ABCB5: variants seen among roughly 807,000 people sequenced by gnomAD.
The protein encoded by ABCB5 is ATP binding cassette subfamily B member 5.
A neutral mutation model predicts 144.2 loss-of-function variants in ABCB5; 155 were observed. The ratio of observed to expected loss-of-function variants is 1.08; its 90% CI spans 0.94 to 1.23. The LOEUF is 1.23. ABCB5 is among the 50% of genes most tolerant of loss of function. The pLI, the probability that ABCB5 is intolerant of heterozygous loss-of-function variation, is 0.00. For missense variants in ABCB5, 1,830 were observed against 1,520.8 expected (o/e 1.20, Z -3.38); for synonymous variants, 610 against 528.6 (o/e 1.15, Z -2.11).
intron 24 of ABCB5, 96 bp from the exon 25 acceptor site, chr7:20,742,781 C>A: frequency 2.4e-6 from 3 of 1,225,082 alleles, no homozygotes; most frequent in Non-Finnish European, 3.5e-6. Flanking sequence ...GCTCTGGAAA[C>A]ATGCACAATT....
At chr7:20,667,810 G>A (rs577212796) in intron 14 of ABCB5, among the ~76,000 whole-genome samples, 246 of 150,054 alleles carry the variant, frequency 1.6e-3, no homozygotes, top group African/African-American at 5.8e-3. Context: ...TCGGCTCACT[G>A]CAACCTCCCT....
rs138020961 is a variant in ABCB5 at position 20,622,982 on chromosome 7, C to T, written c.-21-283C>T. 7.4e-4 allele frequency among the ~76,000 whole-genome samples: 113 copies of T among 152,206 alleles called. 4 individuals carry two copies. In the East Asian group the frequency reaches 0.018, roughly 24 times the overall value. ...AATATCCTGACAAACAGTGCATTTTCCGTGGAATCTGACTTTCCTTCTTTT... is the reference window on the plus strand; with the variant it reads ...AATATCCTGACAAACAGTGCATTTTTCGTGGAATCTGACTTTCCTTCTTTT... On this transcript the variant is annotated intron_variant, in intron 1 of 27. Coordinates refer to ENST00000404938, the MANE Select transcript of ABCB5 (RefSeq NM_001163941.2).
chr7:20,748,330 T>G (rs1782794486), intron 26 of ABCB5, among the ~76,000 whole-genome samples: 1 of 151,550 alleles, frequency 6.6e-6, no homozygotes, highest in Non-Finnish European at 1.5e-5. Context: ...ATGAATCTTG[T>G]AATTTGTTGT....
At position 20,699,820 on chromosome 7, in the gene ABCB5, T is replaced by C. The variant is rs762762871; in HGVS notation, c.2155-5T>C. The C allele has an allele frequency of 2.2e-5, 35 of 1,577,482 alleles. 1 individual carries two copies. In the South Asian group the frequency reaches 3.9e-4, roughly 18 times the overall value. On this transcript the variant is annotated splice_polypyrimidine_tract_variant and splice_region_variant and intron_variant, in intron 17 of 27. Transcript: ENST00000404938. Reference sequence around the variant, plus strand: ...AACACCTGATAAAAATCTGTTCCTTTTCAGATGTTTGGAAATAATGATAAA... The same window carrying C: ...AACACCTGATAAAAATCTGTTCCTTCTCAGATGTTTGGAAATAATGATAAA...
intron 2 of ABCB5, among the ~76,000 whole-genome samples, chr7:20,625,792 TC>T (rs1783895709): frequency 6.6e-6 from 1 of 152,178 alleles, no homozygotes; most frequent in African/African-American, 2.4e-5. Flanking sequence ...CAATTCTACT[TC>T]CGGGTATATA....
chr7:20,707,281 A>T (rs1185300422), intron 20 of ABCB5, among the ~76,000 whole-genome samples: 1 of 152,142 alleles, frequency 6.6e-6, no homozygotes, highest in Non-Finnish European at 1.5e-5. Flanking sequence ...TCCTCTGGCC[A>T]TTTTTTAAAG....
intron 20 of ABCB5, among the ~76,000 whole-genome samples, chr7:20,708,694 G>A (rs1274448083): frequency 1.3e-5 from 2 of 152,082 alleles, no homozygotes; most frequent in Non-Finnish European, 2.9e-5. Context: ...GTCCAATAAT[G>A]CATGATAAAT....
At chr7:20,731,369 AATATAT>A in intron 23 of ABCB5, among the ~76,000 whole-genome samples, 1 of 123,074 alleles carries the variant, frequency 8.1e-6, no homozygotes, top group South Asian at 2.6e-4. Context: ...AAAAAAAAAA[AATATAT>A]ATATATATAT....
At chr7:20,676,459 G>C (rs1041218450) in intron 14 of ABCB5, among the ~76,000 whole-genome samples, 2 of 152,130 alleles carry the variant, frequency 1.3e-5, no homozygotes, top group African/African-American at 4.8e-5. Context: ...GGATGAATCT[G>C]AATGACATTA....
chr7:20,643,717 C>T, intron 7 of ABCB5, 85 bp downstream of exon 7: 3 of 1,463,196 alleles, frequency 2.1e-6, no homozygotes, highest in Middle Eastern at 2.2e-4. Context: ...AATGGCTTTT[C>T]TATTCACTTG....
At chr7:20,649,460 G>A (rs1784513667) in intron 11 of ABCB5, among the ~76,000 whole-genome samples, 1 of 152,120 alleles carries the variant, frequency 6.6e-6, no homozygotes, top group Non-Finnish European at 1.5e-5. Context: ...GCAGGTCCCT[G>A]GCACACTAAA....
intron 14 of ABCB5, among the ~76,000 whole-genome samples, chr7:20,666,349 G>A (rs1268102798): frequency 3.9e-5 from 6 of 152,108 alleles, no homozygotes; most frequent in Admixed American, 6.5e-5. Flanking sequence ...GTGCTGACAC[G>A]CTTTCCCAGA....
In ABCB5 at chr7:20,699,878, C is replaced by A; in HGVS notation, c.2208C>A (p.Ser736=). 2 of 1,612,356 alleles carry A rather than the reference C, an allele frequency of 1.2e-6. No homozygotes were observed. Among genetic ancestry groups the A allele is most frequent in the Admixed American group, 1.7e-5 (1 of 59,910 alleles). Residue 736 remains serine, a synonymous_variant, in exon 18 of 28, where the codon TCC becomes TCA. Coordinates refer to ENST00000404938, the MANE Select transcript of ABCB5 (RefSeq NM_001163941.2). ...TTLKHDAEIY[S]MIFVILGVIC... is the part of the protein sequence containing the mutation. ...TAAAGCATGATGCAGAAATTTATTC[C>A]ATGATATTCGTCATTTTGGGTGTTA...
At chr7:20,653,750 A>G (rs192226832) in intron 13 of ABCB5, among the ~76,000 whole-genome samples, 16 of 152,332 alleles carry the variant, frequency 1.1e-4, no homozygotes, top group African/African-American at 3.6e-4. Context: ...CTGTATGGGC[A>G]TCCCTCAGGA....
chr7:20,650,057 A>C lies in ABCB5; in HGVS notation c.1242A>C (p.Gly414=). ...GTCTGAATCTCAGAATTAAGTCTGG[A>C]GAGACAGTCGCCTTGGTCGGTCTCA... ...LKGLNLRIKS[G]ETVALVGLNG... The change falls in exon 12 of 28, where the codon GGA becomes GGC. Residue 414 remains glycine (G), a synonymous_variant. Coordinates refer to ENST00000404938, the MANE Select transcript of ABCB5 (RefSeq NM_001163941.2). 1 of 1,613,468 alleles carries C rather than the reference A, an allele frequency of 6.2e-7. No individual in the cohort carries two copies. Among genetic ancestry groups the C allele is most frequent in the Non-Finnish European group, 8.5e-7 (1 of 1,179,612 alleles).
At chr7:20,672,753 C>A (rs1379139437) in intron 14 of ABCB5, among the ~76,000 whole-genome samples, 1 of 151,978 alleles carries the variant, frequency 6.6e-6, no homozygotes, top group Non-Finnish European at 1.5e-5. Context: ...TATAGACTTC[C>A]AGTTGGTCCT....
At chr7:20,634,070 G>A (rs1784097389) in intron 5 of ABCB5, among the ~76,000 whole-genome samples, 1 of 151,650 alleles carries the variant, frequency 6.6e-6, no homozygotes, top group East Asian at 1.9e-4. Flanking sequence ...CACTCTCTAT[G>A]TCCATATGTA....
At chr7:20,735,745 T>A (rs1562585920) in intron 23 of ABCB5, among the ~76,000 whole-genome samples, 3 of 152,150 alleles carry the variant, frequency 2.0e-5, no homozygotes, top group Non-Finnish European at 4.4e-5. Context: ...CCAGCCAGCT[T>A]TCCACTGCAA....
At chr7:20,754,777 T>A (rs1294433832) in intron 27 of ABCB5, among the ~76,000 whole-genome samples, 2 of 152,190 alleles carry the variant, frequency 1.3e-5, no homozygotes, top group East Asian at 3.8e-4. Context: ...ATTTGAATAG[T>A]ATTAGAACTA....
Sources: allele counts gnomAD v4.1 joint callset (sites outside exome capture counted in the v4.1 genomes callset), GRCh38; gene constraint gnomAD v4.1.1; transcripts MANE v1.5; gene names NCBI Gene and HGNC (gene_info 2026-07-23, HGNC 2026-07-21).